Variants in MCC observed in about 807,000 individuals in gnomAD.
The protein encoded by MCC is MCC regulator of Wnt signaling pathway.
Under a neutral mutation model 116.2 loss-of-function variants are expected in MCC, and 90 were observed. The ratio of observed to expected loss-of-function variants is 0.77; its 90% CI spans 0.65 to 0.92. The LOEUF (loss-of-function observed/expected upper bound fraction) is 0.92, where lower values mean the gene tolerates loss of function less well. MCC is among the 40% of genes least tolerant of loss of function. The probability of loss-of-function intolerance (pLI) is 0.00; values close to 1 mark genes in which losing one functional copy is unlikely to be tolerated. For missense variants in MCC, 1,516 were observed against 1,312.2 expected (o/e 1.16, Z -2.40); for synonymous variants, 578 against 510.5 (o/e 1.13, Z -1.78).
chr5:113,102,733 C>T (rs1369607910), intron 7 of MCC, among the ~76,000 whole-genome samples: 2 of 152,334 alleles, frequency 1.3e-5, no homozygotes, highest in East Asian at 1.9e-4. Flanking sequence ...ATTTACTGTC[C>T]TTTGAAAAAG....
intron 6 of MCC, 78 bp downstream of exon 6, chr5:113,122,606 G>C (rs1376635701): frequency 3.3e-6 from 5 of 1,534,348 alleles, no homozygotes; most frequent in Non-Finnish European, 3.6e-6. Flanking sequence ...TTTAATTCAG[G>C]CTGCCTCACA....
At chr5:113,409,308 A>C (rs1161206233) in intron 1 of MCC, among the ~76,000 whole-genome samples, 1 of 152,210 alleles carries the variant, frequency 6.6e-6, no homozygotes, top group East Asian at 1.9e-4. Context: ...CCATTCTCAT[A>C]AACAACAAAA....
chr5:113,171,541 G>A (rs776772327), intron 3 of MCC, among the ~76,000 whole-genome samples: 12 of 151,972 alleles, frequency 7.9e-5, no homozygotes, highest in Admixed American at 5.2e-4. Flanking sequence ...TTTTAATAGA[G>A]ACAGGGTTTC....
chr5:113,378,646 G>T (rs983108938), intron 2 of MCC, among the ~76,000 whole-genome samples: 2 of 152,152 alleles, frequency 1.3e-5, no homozygotes, highest in Non-Finnish European at 1.5e-5. Flanking sequence ...GCCTCATTAG[G>T]TCAGCTCAAA....
At chr5:113,273,579 G>A (rs1373410597) in intron 3 of MCC, among the ~76,000 whole-genome samples, 3 of 152,152 alleles carry the variant, frequency 2.0e-5, no homozygotes, top group Admixed American at 6.5e-5. Context: ...CAAAACATGA[G>A]AAACAGGATC....
At position 113,161,907 on chromosome 5, in the gene MCC, G is replaced by A. The variant is rs140351136; in HGVS notation, c.628-10485C>T. ...TCAGTTTTAAAATGCTTGATGCCAC[G>A]GCATGCTCCGTTTCAGGGAAGGCCC... On this transcript the variant is annotated intron_variant, in intron 3 of 18. Transcript: ENST00000408903. Among the ~76,000 whole-genome samples, 420 of 152,218 alleles carry A rather than the reference G, an allele frequency of 2.8e-3. 2 individuals are homozygous for A. The highest frequency in any genetic ancestry group is 4.9e-3 in the Non-Finnish European group (330 of 68,012).
chr5:113,287,170 C>T (rs574376891), intron 3 of MCC, among the ~76,000 whole-genome samples: 2 of 152,302 alleles, frequency 1.3e-5, no homozygotes, highest in South Asian at 4.1e-4. Flanking sequence ...CAAGTCCTAA[C>T]TAATATCTAT....
intron 5 of MCC, among the ~76,000 whole-genome samples, chr5:113,142,620 T>C (rs1282322947): frequency 6.8e-6 from 1 of 147,120 alleles, no homozygotes; most frequent in African/African-American, 2.4e-5. Flanking sequence ...AAGCTCCAGC[T>C]TTTTCACCAG....
intron 1 of MCC, among the ~76,000 whole-genome samples, chr5:113,462,875 T>A (rs1016976521): frequency 6.6e-6 from 1 of 152,228 alleles, no homozygotes; most frequent in African/African-American, 2.4e-5. Flanking sequence ...GTCTCTGCTC[T>A]CATGGAGCTC....
chr5:113,188,529 T>C (rs1191182043), intron 3 of MCC, among the ~76,000 whole-genome samples: 2 of 152,184 alleles, frequency 1.3e-5, no homozygotes, highest in African/African-American at 4.8e-5. Context: ...GTTTTCATAT[T>C]TATTAAGTAA....
chr5:113,218,034 A>G (rs1415902127), intron 3 of MCC, among the ~76,000 whole-genome samples: 1 of 151,006 alleles, frequency 6.6e-6, no homozygotes, highest in Non-Finnish European at 1.5e-5. Context: ...TTAGTTTAGA[A>G]AGAAGCCAGA....
At chr5:113,196,368 G>A (rs1762408587) in intron 3 of MCC, among the ~76,000 whole-genome samples, 1 of 152,154 alleles carries the variant, frequency 6.6e-6, no homozygotes, top group African/African-American at 2.4e-5. Context: ...GAGCAGTAGG[G>A]CCCATAGCAA....
chr5:113,434,732 G>A lies in MCC; in HGVS notation c.171-49520C>T, dbSNP rs1235809105. The A allele has an allele frequency of 6.2e-7, 1 of 1,614,108 alleles. No homozygotes were observed. Among genetic ancestry groups the A allele is most frequent in the East Asian group, 2.2e-5 (1 of 44,880 alleles). ...GGTCGATGATCTTGATCGCCACATT[G>A]AACTTCAGGCGCTCAGAGTAAGCAG... On this transcript the variant is annotated intron_variant, in intron 1 of 18. Transcript: ENST00000408903. This position sits in a 1 kb window ranked among gnomAD's most constrained non-coding sequence, Gnocchi z 4.2.
At chr5:113,249,127 C>A (rs899859040) in intron 3 of MCC, among the ~76,000 whole-genome samples, 1 of 145,382 alleles carries the variant, frequency 6.9e-6, no homozygotes, top group Non-Finnish European at 1.5e-5. Flanking sequence ...CAGGCGTGAG[C>A]CACCGCACCC....
chr5:113,278,076 C>T (rs1405939834), intron 3 of MCC, among the ~76,000 whole-genome samples: 1 of 152,226 alleles, frequency 6.6e-6, no homozygotes, highest in East Asian at 1.9e-4. Flanking sequence ...TTCCCTGCAA[C>T]CTACCAAGCC....
In MCC at chr5:113,317,145, A is replaced by G. The variant is rs186899116; in HGVS notation, c.627+23374T>C. 5.1e-3 allele frequency among the ~76,000 whole-genome samples: 775 copies of G among 152,368 alleles called. 6 individuals are homozygous for G. The highest frequency in any genetic ancestry group is 6.1e-3 in the Non-Finnish European group (414 of 68,024). The stretch of plus-strand genomic sequence containing the variant: ...GGGATACCAGGTTTTGAACACAAAC[A>G]TTCAGATTAAGTGAAGGAACTTGAT... On this transcript the variant is annotated intron_variant, in intron 3 of 18. Coordinates refer to ENST00000408903, the MANE Select transcript of MCC (RefSeq NM_001085377.2).
At chr5:113,226,435 A>G (rs1415333985) in intron 3 of MCC, among the ~76,000 whole-genome samples, 1 of 152,248 alleles carries the variant, frequency 6.6e-6, no homozygotes, top group Non-Finnish European at 1.5e-5. Context: ...GGAGTGCAAC[A>G]AGGTGAAAAG....
chr5:113,394,797 T>C (rs955527866), intron 1 of MCC, among the ~76,000 whole-genome samples: 1 of 152,208 alleles, frequency 6.6e-6, no homozygotes, highest in African/African-American at 2.4e-5. Context: ...TAATGACTGA[T>C]TTATTTTATC....
intron 3 of MCC, among the ~76,000 whole-genome samples, chr5:113,279,420 G>C (rs1238341557): frequency 6.7e-6 from 1 of 150,220 alleles, no homozygotes; most frequent in Non-Finnish European, 1.5e-5. Flanking sequence ...AGTAATCTAT[G>C]AACACTGACA....
Sources: gnomAD v4.1 joint callset for allele counts (sites outside exome capture counted in the v4.1 genomes callset) on GRCh38, gnomAD v4.1.1 for gene constraint, Gnocchi (gnomAD v3.1) non-coding constraint, MANE v1.5 for transcripts, NCBI Gene and HGNC (gene_info 2026-07-23, HGNC 2026-07-21) for gene names.